Variants in ARHGAP32 observed in about 807,000 individuals in gnomAD.
ARHGAP32 encodes rho GTPase-activating protein 32.
ARHGAP32 carries 51 observed loss-of-function variants against 186.5 expected under a neutral mutation model. The observed-to-expected ratio is 0.27, with a 90% CI of 0.22 to 0.35. The LOEUF (loss-of-function observed/expected upper bound fraction) is 0.35. ARHGAP32 is among the 10% of genes least tolerant of loss of function. The pLI is 1.00. For synonymous variants in ARHGAP32, 950 were observed against 964.3 expected (o/e 0.99, Z 0.27); for missense variants, 2,186 against 2,623.5 (o/e 0.83, Z 3.64).
intron 1 of ARHGAP32, among the ~76,000 whole-genome samples, chr11:129,265,217 A>G (rs4451739): frequency 0.3 from 44,997 of 152,118 alleles, 6,991 homozygotes; most frequent in Middle Eastern, 0.4. Context: ...CGTGCATTCT[A>G]GTACCTATCA....
In ARHGAP32 at chr11:128,970,661, G is replaced by A; in HGVS notation, c.4552C>T (p.Pro1518Ser). The change falls in exon 23 of 23, where the codon CCC becomes TCC. Residue 1518 changes from proline to serine, a missense_variant. Physicochemically the swap from Pro to Ser is moderately conservative, Grantham distance 74. This residue lies in a region of ARHGAP32 where 1,502 missense variants were observed against 1,570.0 expected (regional missense o/e 0.96). Coordinates refer to ENST00000682385, the MANE Select transcript of ARHGAP32 (RefSeq NM_001378024.1). This position sits in a 1 kb window ranked among gnomAD's most constrained non-coding sequence, Gnocchi z 5.8. ...FNMTPNCQYR[P>S]QSVPPHHNKL... ...TTGTGATGGGGAGGTACACTCTGGG[G>A]ACGGTACTGGCAGTTTGGAGTCATA... 1 of 1,614,166 alleles carries A rather than the reference G, an allele frequency of 6.2e-7. No individual in the cohort carries two copies. The highest frequency in any genetic ancestry group is 8.5e-7 in the Non-Finnish European group (1 of 1,180,018).
At chr11:129,158,499 A>G (rs1943462180) in intron 2 of ARHGAP32, among the ~76,000 whole-genome samples, 1 of 152,196 alleles carries the variant, frequency 6.6e-6, no homozygotes, top group Admixed American at 6.5e-5. Flanking sequence ...CAATGTAACA[A>G]GAAGAAGCTA....
chr11:129,127,795 T>C (rs1942698010), intron 2 of ARHGAP32, among the ~76,000 whole-genome samples: 2 of 152,110 alleles, frequency 1.3e-5, no homozygotes, highest in South Asian at 4.1e-4. Flanking sequence ...TTTCATGTTA[T>C]AATTATCACT....
intron 15 of ARHGAP32, 157 bp downstream of exon 15, chr11:128,985,846 G>GTA (rs1945852056): frequency 3.2e-5 from 4 of 126,016 alleles, no homozygotes; most frequent in African/African-American, 1.7e-4. Flanking sequence ...GTGTGTGTGT[G>GTA]TGTGTGTGTG....
At chr11:129,192,929 A>C (rs560572180), upstream of ARHGAP32, among the ~76,000 whole-genome samples, 2 of 152,242 alleles carry the variant, frequency 1.3e-5, no homozygotes, top group African/African-American at 2.4e-5. Context: ...TTTAAACTGC[A>C]AACAGTCATG....
intron 15 of ARHGAP32, among the ~76,000 whole-genome samples, chr11:128,985,473 G>A (rs1945837813): frequency 1.3e-5 from 2 of 152,004 alleles, no homozygotes; most frequent in South Asian, 4.2e-4. Flanking sequence ...TTGCATACTG[G>A]AATCTAGTTT....
chr11:129,241,916 G>C (rs1310023342), intron 1 of ARHGAP32, among the ~76,000 whole-genome samples: 1 of 152,108 alleles, frequency 6.6e-6, no homozygotes, highest in Non-Finnish European at 1.5e-5. Flanking sequence ...TAAAAACATA[G>C]TATTTACAAA....
intron 1 of ARHGAP32, among the ~76,000 whole-genome samples, chr11:129,249,840 C>G (rs1945155269): frequency 6.6e-6 from 1 of 152,028 alleles, no homozygotes; most frequent in African/African-American, 2.4e-5. Flanking sequence ...AATGCTGGTA[C>G]TCTGAAATCC....
chr11:129,213,322 T>C (rs1944605082), intron 1 of ARHGAP32, among the ~76,000 whole-genome samples: 1 of 152,190 alleles, frequency 6.6e-6, no homozygotes, highest in South Asian at 2.1e-4. Context: ...TCAGGAGGTA[T>C]TTTAACTGAC....
chr11:129,256,714 C>T (rs1945259264), intron 1 of ARHGAP32, among the ~76,000 whole-genome samples: 2 of 152,124 alleles, frequency 1.3e-5, no homozygotes, highest in Non-Finnish European at 2.9e-5. Context: ...GAAAGAATAT[C>T]ATAACGGGCA....
chr11:129,121,384 G>A (rs1466963905), intron 5 of ARHGAP32, among the ~76,000 whole-genome samples: 1 of 152,094 alleles, frequency 6.6e-6, no homozygotes, highest in Non-Finnish European at 1.5e-5. Flanking sequence ...AATTCAACCA[G>A]AAGCAGAAGG....
chr11:129,058,219 A>C (rs370459603), intron 10 of ARHGAP32, among the ~76,000 whole-genome samples: 1 of 80,700 alleles, frequency 1.2e-5, no homozygotes. Context: ...ACACACACAC[A>C]CACTCTCTCT....
intron 2 of ARHGAP32, among the ~76,000 whole-genome samples, chr11:129,126,478 T>C (rs1469875698): frequency 3.3e-5 from 5 of 152,346 alleles, no homozygotes. Flanking sequence ...ACCATCTTTC[T>C]AGTCTGCATT....
intron 5 of ARHGAP32, among the ~76,000 whole-genome samples, chr11:129,104,910 T>C (rs1348658106): frequency 6.6e-6 from 1 of 152,120 alleles, no homozygotes; most frequent in Non-Finnish European, 1.5e-5. Context: ...TACTTGTGCT[T>C]GCCCCAAACC....
intron 2 of ARHGAP32, among the ~76,000 whole-genome samples, chr11:129,150,102 A>G (rs1465691721): frequency 2.0e-5 from 3 of 148,376 alleles, no homozygotes; most frequent in Non-Finnish European, 1.5e-5. Flanking sequence ...AATTAACCCA[A>G]TCTGACAAAG....
At chr11:129,107,175 A>G (rs1942070500) in intron 5 of ARHGAP32, among the ~76,000 whole-genome samples, 1 of 152,210 alleles carries the variant, frequency 6.6e-6, no homozygotes, top group African/African-American at 2.4e-5. Context: ...TACTGAAAGA[A>G]AAACCTAGTC....
chr11:129,108,501 G>A (rs1337995511), intron 5 of ARHGAP32, among the ~76,000 whole-genome samples: 1 of 152,128 alleles, frequency 6.6e-6, no homozygotes, highest in Non-Finnish European at 1.5e-5. Flanking sequence ...TGACAGAAGT[G>A]AAGGGAGAAA....
At chr11:129,089,672 A>T (rs971399725) in intron 6 of ARHGAP32, among the ~76,000 whole-genome samples, 1 of 152,188 alleles carries the variant, frequency 6.6e-6, no homozygotes, top group African/African-American at 2.4e-5. Context: ...ATGCAGTGGG[A>T]ATCTATCCAA....
At chr11:129,265,580 G>C (rs1945387227) in intron 1 of ARHGAP32, among the ~76,000 whole-genome samples, 1 of 152,136 alleles carries the variant, frequency 6.6e-6, no homozygotes, top group Non-Finnish European at 1.5e-5. Context: ...ACATAGTTGA[G>C]TAAACCTGAT....
Sources: allele counts gnomAD v4.1 joint callset (sites outside exome capture counted in the v4.1 genomes callset), GRCh38; gene constraint gnomAD v4.1.1; regional missense constraint gnomAD v4.1.1; non-coding constraint Gnocchi (gnomAD v3.1); transcripts MANE v1.5; gene names NCBI Gene and HGNC (gene_info 2026-07-23, HGNC 2026-07-21).